The following PRIM2 variants were observed in gnomAD, a reference collection of about 807,000 sequenced individuals.
PRIM2 encodes DNA primase subunit 2, also known as DNA primase large subunit.
Under a neutral mutation model 67.3 loss-of-function variants are expected in PRIM2, and 39 were observed. The ratio of observed to expected loss-of-function variants is 0.58; its 90% CI spans 0.45 to 0.76. The LOEUF is 0.76. PRIM2 is among the 30% of genes least tolerant of loss of function. PRIM2 has a pLI of 0.00. For missense variants in PRIM2, 398 were observed against 598.7 expected (o/e 0.66, Z 3.50); for synonymous variants, 143 against 198.7 (o/e 0.72, Z 2.36).
At chr6:57,518,169 G>A (rs1774525189) in intron 8 of PRIM2, among the ~76,000 whole-genome samples, 1 of 152,140 alleles carries the variant, frequency 6.6e-6, no homozygotes, top group Admixed American at 6.5e-5. Flanking sequence ...AATTTTAAAT[G>A]CCCACTTTTA....
intron 8 of PRIM2, among the ~76,000 whole-genome samples, chr6:57,517,059 A>G (rs1774502173): frequency 6.6e-6 from 1 of 152,284 alleles, no homozygotes; most frequent in South Asian, 2.1e-4. Flanking sequence ...TGGATTGTGG[A>G]TACAGGATAC....
At chr6:57,590,464 T>A (rs1374852058) in intron 10 of PRIM2, among the ~76,000 whole-genome samples, 1 of 152,108 alleles carries the variant, frequency 6.6e-6, no homozygotes, top group Non-Finnish European at 1.5e-5. Flanking sequence ...TAATTCCAAA[T>A]AGCATGGACA....
intron 11 of PRIM2, among the ~76,000 whole-genome samples, 194 bp from the exon 12 acceptor site, chr6:57,606,181 G>A (rs1776558188): frequency 6.6e-6 from 1 of 152,226 alleles, no homozygotes; most frequent in African/African-American, 2.4e-5. Flanking sequence ...AGCCTGGAGT[G>A]CCCTGATAAC....
intron 7 of PRIM2, among the ~76,000 whole-genome samples, chr6:57,461,265 C>T (rs2127397117): frequency 6.6e-6 from 1 of 152,234 alleles, no homozygotes; most frequent in South Asian, 2.1e-4. Flanking sequence ...TACTGGCTGT[C>T]TTGTTGTTTA....
the PRIM2 span, among the ~76,000 whole-genome samples, chr6:57,304,385 G>A: frequency 1.3e-5 from 2 of 152,122 alleles, no homozygotes; most frequent in Non-Finnish European, 2.9e-5. Flanking sequence ...AAATATAATT[G>A]GAAAGATCTG....
At chr6:57,427,350 G>A (rs1280401857) in intron 7 of PRIM2, among the ~76,000 whole-genome samples, 10 of 151,974 alleles carry the variant, frequency 6.6e-5, no homozygotes, top group East Asian at 1.9e-4. Flanking sequence ...GAGACTTGTC[G>A]CTCTGTTGCT....
intron 7 of PRIM2, among the ~76,000 whole-genome samples, chr6:57,429,684 C>T (rs1443424803): frequency 6.6e-6 from 1 of 151,998 alleles, no homozygotes; most frequent in Non-Finnish European, 1.5e-5. Flanking sequence ...TCTGATTGGC[C>T]CTAATACAGT....
At chr6:57,263,891 C>T in the PRIM2 span, among the ~76,000 whole-genome samples, 5 of 152,138 alleles carry the variant, frequency 3.3e-5, no homozygotes, top group African/African-American at 4.8e-5. Context: ...ACTAAGTGAC[C>T]GGGCTGAGGC....
chr6:57,607,941 G>T (rs1582017576), intron 12 of PRIM2, among the ~76,000 whole-genome samples: 2 of 151,980 alleles, frequency 1.3e-5, no homozygotes, highest in Non-Finnish European at 2.9e-5. Flanking sequence ...ACATGCCATG[G>T]TGCATAGGTA....
At chr6:57,228,254 G>A in the PRIM2 span, among the ~76,000 whole-genome samples, 3 of 147,476 alleles carry the variant, frequency 2.0e-5, no homozygotes, top group African/African-American at 7.4e-5. Flanking sequence ...AAGCTTCCTA[G>A]GTCATGAAAA....
At chr6:57,361,184 G>T (rs571307892) in intron 5 of PRIM2, among the ~76,000 whole-genome samples, 2 of 152,274 alleles carry the variant, frequency 1.3e-5, no homozygotes, top group East Asian at 3.9e-4. Flanking sequence ...TATGGATGGG[G>T]TGCAGAAGAA....
At position 57,571,804 on chromosome 6, in the gene PRIM2, C is replaced by A. The variant is rs1775867939; in HGVS notation, c.1021-29289C>A. Reference sequence around the variant, plus strand: ...CAAATTAGTCATTATTAACTGGGTTCATAGCCTCCAAAGACCTAAATTCAT... The same window carrying A: ...CAAATTAGTCATTATTAACTGGGTTAATAGCCTCCAAAGACCTAAATTCAT... On this transcript the variant is annotated intron_variant, in intron 10 of 13. Transcript: ENST00000615550. Among the ~76,000 whole-genome samples, 26 of 152,342 alleles carry A rather than the reference C, an allele frequency of 1.7e-4. No individual in the cohort carries two copies. The South Asian group carries it at 5.4e-3, about 32-fold the overall frequency.
At chr6:57,549,495 G>C (rs1330495671) in intron 10 of PRIM2, among the ~76,000 whole-genome samples, 3 of 152,040 alleles carry the variant, frequency 2.0e-5, no homozygotes, top group Middle Eastern at 3.4e-3. Context: ...ATTAACAATA[G>C]AGATTTTTCA....
chr6:57,491,484 C>T (rs1427304665), intron 7 of PRIM2, among the ~76,000 whole-genome samples: 1 of 152,102 alleles, frequency 6.6e-6, no homozygotes, highest in African/African-American at 2.4e-5. Context: ...AAGTGACTAG[C>T]ATTTTTGTTA....
chr6:57,437,316 G>T (rs1772043959), intron 7 of PRIM2, among the ~76,000 whole-genome samples: 1 of 152,222 alleles, frequency 6.6e-6, no homozygotes, highest in African/African-American at 2.4e-5. Flanking sequence ...TGGCATGAGA[G>T]TTGATAGGGA....
chr6:57,421,512 G>A (rs1448397838), intron 7 of PRIM2, among the ~76,000 whole-genome samples: 1 of 152,190 alleles, frequency 6.6e-6, no homozygotes, highest in Non-Finnish European at 1.5e-5. Context: ...TATTATGTAA[G>A]CTGTAAGCAA....
intron 12 of PRIM2, among the ~76,000 whole-genome samples, chr6:57,629,157 A>T (rs1777003038): frequency 6.6e-6 from 1 of 152,128 alleles, no homozygotes; most frequent in Non-Finnish European, 1.5e-5. Context: ...GAAAAATTTA[A>T]CAAAACAAAG....
intron 10 of PRIM2, among the ~76,000 whole-genome samples, chr6:57,576,836 T>C (rs1182199468): frequency 3.3e-5 from 5 of 151,134 alleles, no homozygotes; most frequent in African/African-American, 9.7e-5. Context: ...TCCCCTCTTA[T>C]CTGTTTTAGG....
intron 5 of PRIM2, among the ~76,000 whole-genome samples, chr6:57,366,554 T>C (rs2397239): frequency 9.9e-5 from 15 of 152,208 alleles, no homozygotes; most frequent in East Asian, 5.8e-4. Context: ...CAGAGGATGC[T>C]GACGACTGTG....
Sources: allele counts gnomAD v4.1 joint callset (sites outside exome capture counted in the v4.1 genomes callset), GRCh38; gene constraint gnomAD v4.1.1; transcripts MANE v1.5; gene names NCBI Gene and HGNC (gene_info 2026-07-23, HGNC 2026-07-21).